MALRD1: variants seen among roughly 807,000 people sequenced by gnomAD.
The protein encoded by MALRD1 is MAM and LDL-receptor class A domain-containing protein 1.
Under a neutral mutation model 242.1 loss-of-function variants are expected in MALRD1, and 247 were observed. The ratio of observed to expected loss-of-function variants is 1.02; its 90% CI spans 0.92 to 1.13. The LOEUF (loss-of-function observed/expected upper bound fraction) is 1.13, where lower values mean the gene tolerates loss of function less well. MALRD1 is among the 50% of genes most tolerant of loss of function. The probability of loss-of-function intolerance (pLI) is 0.00; values close to 1 mark genes in which losing one functional copy is unlikely to be tolerated. For synonymous variants in MALRD1, 995 were observed against 866.6 expected, an observed-to-expected ratio of 1.15 and a Z score of -2.60; for missense variants, 2,989 against 2,533.1, an observed-to-expected ratio of 1.18 and a Z score of -3.86.
At chr10:19,493,734 A>T (rs1193479929) in intron 30 of MALRD1, among the ~76,000 whole-genome samples, 2 of 151,956 alleles carry the variant, frequency 1.3e-5, no homozygotes, top group Non-Finnish European at 2.9e-5. Context: ...AATTGCTTGA[A>T]CCTGGGAGGT....
chr10:19,407,493 A>G (rs1833080126), intron 28 of MALRD1, among the ~76,000 whole-genome samples: 1 of 152,040 alleles, frequency 6.6e-6, no homozygotes, highest in Non-Finnish European at 1.5e-5. Context: ...AAAAAATAAT[A>G]AAAATAAAAA....
intron 29 of MALRD1, among the ~76,000 whole-genome samples, chr10:19,474,716 C>G (rs4451600): frequency 0.86 from 131,100 of 152,060 alleles, 56,678 homozygotes; most frequent in East Asian, 1. Context: ...TAAAAGAATG[C>G]TGGCCAAGGA....
At chr10:19,547,354 G>A (rs542542241) in intron 32 of MALRD1, among the ~76,000 whole-genome samples, 17 of 152,030 alleles carry the variant, frequency 1.1e-4, no homozygotes, top group Admixed American at 8.5e-4. Flanking sequence ...ACGACTGCCC[G>A]ACTGGAACAC....
rs1215595004 is a variant in MALRD1 at position 19,578,611 on chromosome 10, G to A, written c.5680+10908G>A. Among the ~76,000 whole-genome samples the A allele has an allele frequency of 2.0e-5, 3 of 152,230 alleles. No homozygotes were observed. The East Asian group carries it at 5.8e-4, about 29-fold the overall frequency. ...GGAAGATGAGGCAGAAGAATTGCTT[G>A]AACCCAGGAGGCGGAGGTTGCAGTG... On this transcript the variant is annotated intron_variant, in intron 33 of 39. Transcript: ENST00000454679.
At chr10:19,227,696 T>G (rs1368439233) in intron 18 of MALRD1, among the ~76,000 whole-genome samples, 1 of 152,096 alleles carries the variant, frequency 6.6e-6, no homozygotes, top group Non-Finnish European at 1.5e-5. Context: ...AGAATAATTT[T>G]AAATATGTCT....
At chr10:19,585,775 C>G (rs945108010) in intron 33 of MALRD1, among the ~76,000 whole-genome samples, 189 of 152,222 alleles carry the variant, frequency 1.2e-3, no homozygotes, top group African/African-American at 4.3e-3. Context: ...GTTCGCCTGC[C>G]TTGCTAGATT....
At chr10:19,528,511 T>C (rs1211444783) in intron 31 of MALRD1, among the ~76,000 whole-genome samples, 3 of 152,150 alleles carry the variant, frequency 2.0e-5, no homozygotes, top group Non-Finnish European at 4.4e-5. Flanking sequence ...GAGAACCGCT[T>C]GAACCCGGGA....
intron 5 of MALRD1, among the ~76,000 whole-genome samples, chr10:19,104,884 T>A (rs1452502058): frequency 6.6e-6 from 1 of 152,032 alleles, no homozygotes; most frequent in African/African-American, 2.4e-5. Context: ...TTGAAAAGTT[T>A]TATTTTATTT....
At chr10:19,311,140 A>G (rs1842408273) in intron 21 of MALRD1, among the ~76,000 whole-genome samples, 2 of 151,492 alleles carry the variant, frequency 1.3e-5, no homozygotes, top group Admixed American at 6.6e-5. Context: ...CATCTTTCAG[A>G]TAAAATTAGT....
rs566904784 is a variant in MALRD1, at chr10:19,087,745, A to T, written c.341-95A>T. On this transcript the variant is annotated intron_variant, in intron 2 of 39. Transcript: ENST00000454679. The stretch of plus-strand genomic sequence containing the variant: ...TTATTTTTGAATGTACAGTGAAATT[A>T]TTATTGACTATAGTCATCCCATTTT... 12 of 501,232 alleles carry T rather than the reference A, an allele frequency of 2.4e-5. No homozygotes were observed. In the South Asian group the frequency reaches 1.3e-3, roughly 54 times the overall value. 31.0% of individuals were successfully genotyped at this position (501,232 alleles called of 1,614,324 possible).
chr10:19,575,803 T>C (rs1589256912), intron 33 of MALRD1, among the ~76,000 whole-genome samples: 1 of 152,198 alleles, frequency 6.6e-6, no homozygotes, highest in South Asian at 2.1e-4. Flanking sequence ...AGTTTCTTTT[T>C]ACTGCCCAAG....
intron 28 of MALRD1, among the ~76,000 whole-genome samples, chr10:19,393,407 C>T (rs1406590850): frequency 6.6e-6 from 1 of 151,002 alleles, no homozygotes; most frequent in African/African-American, 2.4e-5. Context: ...CACTATTTTA[C>T]CTATTTTCTA....
At chr10:19,121,103 G>A (rs1016875575) in intron 5 of MALRD1, among the ~76,000 whole-genome samples, 2 of 143,998 alleles carry the variant, frequency 1.4e-5, no homozygotes, top group Non-Finnish European at 3.0e-5. Flanking sequence ...AAGTGCAGTG[G>A]TGCGATCTCG....
chr10:19,174,692 A>G (rs1835149536), intron 13 of MALRD1, among the ~76,000 whole-genome samples: 1 of 152,170 alleles, frequency 6.6e-6, no homozygotes, highest in African/African-American at 2.4e-5. Flanking sequence ...GCATATGAAT[A>G]TTATCAACCA....
chr10:19,354,205 A>G (rs1055098404), intron 26 of MALRD1, among the ~76,000 whole-genome samples: 14 of 152,168 alleles, frequency 9.2e-5, no homozygotes, highest in African/African-American at 3.4e-4. Context: ...AAGTATGTAC[A>G]AAATAGTATT....
chr10:19,657,044 G>A (rs561244173), intron 36 of MALRD1, among the ~76,000 whole-genome samples: 18 of 152,192 alleles, frequency 1.2e-4, no homozygotes, highest in African/African-American at 4.3e-4. Context: ...TGATGGTTTT[G>A]TATCCTTCCC....
intron 10 of MALRD1, among the ~76,000 whole-genome samples, chr10:19,143,336 T>A (rs1340875856): frequency 6.6e-6 from 1 of 152,204 alleles, no homozygotes; most frequent in Admixed American, 6.5e-5. Context: ...ATCAGTCATA[T>A]GGTACTTTCC....
chr10:19,333,297 CCTT>C (rs1377613386), intron 24 of MALRD1, among the ~76,000 whole-genome samples: 5 of 152,082 alleles, frequency 3.3e-5, no homozygotes, highest in African/African-American at 1.2e-4. Context: ...TTCCTCCTCT[CCTT>C]CTCTTCACTC....
At chr10:19,070,639 G>A (rs1191440334) in intron 2 of MALRD1, among the ~76,000 whole-genome samples, 1 of 151,922 alleles carries the variant, frequency 6.6e-6, no homozygotes, top group African/African-American at 2.4e-5. Context: ...ATCCTTGCGT[G>A]CATCATCTCA....
Sources: allele counts gnomAD v4.1 joint callset (sites outside exome capture counted in the v4.1 genomes callset), GRCh38; gene constraint gnomAD v4.1.1; transcripts MANE v1.5; gene names NCBI Gene and HGNC (gene_info 2026-07-23, HGNC 2026-07-21).